ZNF804B: variants seen among roughly 807,000 people sequenced by gnomAD.
ZNF804B encodes the protein zinc finger protein 804B, also known as zinc finger 804B.
A neutral mutation model predicts 101.4 loss-of-function variants in ZNF804B; 80 were observed. That is an observed-to-expected ratio of 0.79 (90% CI 0.66 to 0.95). The LOEUF is 0.95. Among genes scored for constraint, ZNF804B ranks in the 40% least tolerant of loss-of-function variants. The pLI is 0.00. For missense variants in ZNF804B, 1,673 were observed against 1,561.9 expected (o/e 1.07, Z -1.20); for synonymous variants, 622 against 558.8 (o/e 1.11, Z -1.59).
chr7:89,203,620 T>A (rs571913382), intron 1 of ZNF804B, among the ~76,000 whole-genome samples: 40 of 152,228 alleles, frequency 2.6e-4, no homozygotes, highest in South Asian at 8.3e-4. Flanking sequence ...CACTAGAATT[T>A]CAACAGATAG....
rs577147793 is a variant in ZNF804B at position 88,917,098 on chromosome 7, C to A, written c.108+157014C>A. Among the ~76,000 whole-genome samples, 80 of 152,038 alleles carry A rather than the reference C, an allele frequency of 5.3e-4. 1 individual carries two copies. Among genetic ancestry groups the A allele is most frequent in the Non-Finnish European group, 9.1e-4 (62 of 67,968 alleles). On this transcript the variant is annotated intron_variant, in intron 1 of 3. Coordinates refer to ENST00000333190, the MANE Select transcript of ZNF804B (RefSeq NM_181646.5). ...TGACCAACATGGTGAAACTCTGTCT[C>A]TACTAAAAATACAAAAATTAGCCGG...
In ZNF804B at chr7:88,843,777, A is replaced by G. The variant is rs1791324191; in HGVS notation, c.108+83693A>G. 2.0e-5 allele frequency among the ~76,000 whole-genome samples: 3 copies of G among 152,010 alleles called. No individual in the cohort carries two copies. In the South Asian group the frequency reaches 6.2e-4, roughly 31 times the overall value. Reference sequence around the variant, plus strand: ...ATAAATAATAAAATAACAAATGAAGACAATGTCAAACTTATTGTATCTTAC... The same window carrying G: ...ATAAATAATAAAATAACAAATGAAGGCAATGTCAAACTTATTGTATCTTAC... On this transcript the variant is annotated intron_variant, in intron 1 of 3. Coordinates refer to ENST00000333190, the MANE Select transcript of ZNF804B (RefSeq NM_181646.5).
intron 1 of ZNF804B, among the ~76,000 whole-genome samples, chr7:89,061,095 T>A (rs1789372253): frequency 6.6e-6 from 1 of 152,138 alleles, no homozygotes. Context: ...GTTTGTCTGC[T>A]CGTAACTGTT....
At chr7:89,066,745 G>T (rs1007391683) in intron 1 of ZNF804B, among the ~76,000 whole-genome samples, 1 of 151,052 alleles carries the variant, frequency 6.6e-6, no homozygotes, top group African/African-American at 2.5e-5. Flanking sequence ...ACATTCTTTT[G>T]CTTGTTTATT....
intron 1 of ZNF804B, among the ~76,000 whole-genome samples, chr7:88,919,255 G>C (rs1268570720): frequency 6.6e-6 from 1 of 152,080 alleles, no homozygotes; most frequent in Non-Finnish European, 1.5e-5. Flanking sequence ...AAGAAGTGTA[G>C]TGAAAATAAA....
chr7:89,254,445 A>T (rs1256943463), intron 2 of ZNF804B, among the ~76,000 whole-genome samples: 2 of 151,374 alleles, frequency 1.3e-5, no homozygotes, highest in African/African-American at 2.4e-5. Context: ...TTATGGAAGG[A>T]TATTAAAGAA....
intron 1 of ZNF804B, among the ~76,000 whole-genome samples, chr7:89,052,643 T>C (rs1584096882): frequency 6.6e-6 from 1 of 152,264 alleles, no homozygotes; most frequent in Admixed American, 6.5e-5. Flanking sequence ...TCTGATTTTG[T>C]GTCCCTGGTT....
At chr7:89,032,074 C>G (rs1788845757) in intron 1 of ZNF804B, among the ~76,000 whole-genome samples, 2 of 152,018 alleles carry the variant, frequency 1.3e-5, no homozygotes, top group Non-Finnish European at 1.5e-5. Context: ...TATATCAGCT[C>G]AAGATCACAC....
At chr7:88,968,927 ATATTT>A (rs1793494939) in intron 1 of ZNF804B, among the ~76,000 whole-genome samples, 1 of 151,560 alleles carries the variant, frequency 6.6e-6, no homozygotes, top group South Asian at 2.1e-4. Context: ...TGTTAAATGC[ATATTT>A]TATATGTTTA....
intron 1 of ZNF804B, among the ~76,000 whole-genome samples, chr7:89,188,010 G>A (rs1788399850): frequency 6.6e-6 from 1 of 152,040 alleles, no homozygotes; most frequent in Non-Finnish European, 1.5e-5. Context: ...TGTGGGTTGG[G>A]AAAGTCATTT....
chr7:89,119,016 C>G (rs1790359250), intron 1 of ZNF804B, among the ~76,000 whole-genome samples: 1 of 152,122 alleles, frequency 6.6e-6, no homozygotes, highest in Non-Finnish European at 1.5e-5. Context: ...ATCATATATA[C>G]TTTTTTGATC....
At chr7:89,001,074 G>A (rs1381533170) in intron 1 of ZNF804B, among the ~76,000 whole-genome samples, 1 of 147,576 alleles carries the variant, frequency 6.8e-6, no homozygotes, top group African/African-American at 2.5e-5. Context: ...TTGGAATGAT[G>A]TTGGTCAAAG....
intron 1 of ZNF804B, among the ~76,000 whole-genome samples, chr7:89,095,674 A>G (rs1341632902): frequency 6.6e-6 from 1 of 152,248 alleles, no homozygotes; most frequent in African/African-American, 2.4e-5. Flanking sequence ...AAACTAAATT[A>G]TCAGATAATT....
chr7:88,974,829 A>G (rs2116119243), intron 1 of ZNF804B, among the ~76,000 whole-genome samples: 1 of 151,498 alleles, frequency 6.6e-6, no homozygotes, highest in East Asian at 2.0e-4. Context: ...AATGTATAAT[A>G]AATTATTGTT....
intron 1 of ZNF804B, among the ~76,000 whole-genome samples, chr7:89,024,495 G>A (rs1788716525): frequency 6.6e-6 from 1 of 151,754 alleles, no homozygotes; most frequent in Admixed American, 6.6e-5. Flanking sequence ...ACAAAGTCTG[G>A]ACAATCATTA....
At chr7:89,086,188 C>T (rs547580216) in intron 1 of ZNF804B, among the ~76,000 whole-genome samples, 1 of 151,934 alleles carries the variant, frequency 6.6e-6, no homozygotes, top group Admixed American at 6.6e-5. Context: ...CTGCAGTTTT[C>T]TAAGAGATGA....
chr7:88,945,018 A>C, intron 1 of ZNF804B, among the ~76,000 whole-genome samples: 1 of 151,722 alleles, frequency 6.6e-6, no homozygotes, highest in South Asian at 2.1e-4. Context: ...GATTGCAAAA[A>C]TTTTCTCCCA....
chr7:88,800,562 C>T (rs1036469436), intron 1 of ZNF804B, among the ~76,000 whole-genome samples: 4 of 151,924 alleles, frequency 2.6e-5, no homozygotes, highest in Non-Finnish European at 4.4e-5. Context: ...ATGTTTAGTA[C>T]AGGGCTGGAT....
intron 1 of ZNF804B, among the ~76,000 whole-genome samples, chr7:89,150,177 A>G (rs1562897773): frequency 2.0e-5 from 3 of 152,064 alleles, no homozygotes; most frequent in Middle Eastern, 6.8e-3. Context: ...TGTATTTACT[A>G]TTTGCCCAGG....
Sources: allele counts gnomAD v4.1 joint callset (sites outside exome capture counted in the v4.1 genomes callset), GRCh38; gene constraint gnomAD v4.1.1; transcripts MANE v1.5; gene names NCBI Gene and HGNC (gene_info 2026-07-23, HGNC 2026-07-21).